BLK: variants seen among roughly 807,000 people sequenced by gnomAD.
BLK encodes tyrosine-protein kinase Blk.
In BLK, 64 loss-of-function variants were observed where a neutral mutation model predicts 61.8. That is an observed-to-expected ratio of 1.03 (90% CI 0.85 to 1.27). The LOEUF (loss-of-function observed/expected upper bound fraction) is 1.27, where lower values mean the gene tolerates loss of function less well. BLK is among the 50% of genes most tolerant of loss of function. BLK has a pLI of 0.00. For missense variants in BLK, 853 were observed against 660.5 expected (o/e 1.29, Z -3.19); for synonymous variants, 351 against 272.0 (o/e 1.29, Z -2.86).
rs562444865 is a variant in BLK, at chr8:11,564,281, C to T, written c.*173C>T. ...GTCCCCGGACGGACTCCTTCACCGA[C>T]TGCACCCCCGGGCGAGTTACGCGGC... On this transcript the variant is annotated 3_prime_UTR_variant, in exon 13 of 13. Transcript: ENST00000259089. 1.4e-4 allele frequency: 113 copies of T among 817,888 alleles called. 4 individuals are homozygous for T. The South Asian group carries it at 1.5e-3, about 11-fold the overall frequency. The allele number at this position is 817,888 out of a possible 1,614,324, so 50.7% of individuals were successfully genotyped here.
Position 11,563,135 on chromosome 8 carries a change from C to T in BLK, c.1312+25C>T, listed in dbSNP as rs73545895. ...GGTAGGTGGCTCACCCCGCAGCTCG[C>T]GGCTCCCTGCTTTCCCGGCCGGCCC... On this transcript the variant is annotated intron_variant, in intron 12 of 12. Transcript: ENST00000259089. The T allele has an allele frequency of 1.4e-5, 23 of 1,613,208 alleles. No homozygotes were observed. In the African/African-American group the frequency reaches 2.3e-4, roughly 16 times the overall value.
At chr8:11,539,309 C>A (rs7014565) in intron 1 of BLK, among the ~76,000 whole-genome samples, 2 of 152,048 alleles carry the variant, frequency 1.3e-5, no homozygotes, top group Non-Finnish European at 2.9e-5. Flanking sequence ...AACATGGTAC[C>A]GAAATTCCTC....
intron 1 of BLK, among the ~76,000 whole-genome samples, chr8:11,540,449 T>A (rs573962446): frequency 1.3e-5 from 2 of 152,344 alleles, no homozygotes; most frequent in East Asian, 3.9e-4. Context: ...TTCATAATTA[T>A]AAAGCTAGGT....
intron 1 of BLK, among the ~76,000 whole-genome samples, chr8:11,500,541 G>GTTTTTGTTT (rs1798517455): frequency 6.6e-6 from 1 of 150,984 alleles, no homozygotes; most frequent in African/African-American, 2.4e-5. Context: ...TTTGAGATAG[G>GTTTTTGTTT]GTCTCGCTCT....
chr8:11,497,480 G>A (rs1224693415), intron 1 of BLK, among the ~76,000 whole-genome samples: 2 of 152,162 alleles, frequency 1.3e-5, no homozygotes, highest in Non-Finnish European at 2.9e-5. Flanking sequence ...GCAACCACCA[G>A]CACACACCCA....
intron 1 of BLK, among the ~76,000 whole-genome samples, chr8:11,520,351 C>T (rs1312369297): frequency 2.0e-5 from 3 of 151,532 alleles, no homozygotes; most frequent in African/African-American, 7.3e-5. Context: ...GTGGTGCATG[C>T]CTGTAGTCCC....
intron 1 of BLK, 114 bp downstream of exon 1, chr8:11,494,705 C>T (rs76991879): frequency 0.013 from 1,920 of 152,298 alleles, 15 homozygotes; most frequent in Middle Eastern, 0.061. Context: ...GTGCCACAGA[C>T]GGAGGAAGAG....
intron 1 of BLK, among the ~76,000 whole-genome samples, chr8:11,496,313 C>G (rs1396930654): frequency 6.6e-6 from 1 of 152,220 alleles, no homozygotes; most frequent in Non-Finnish European, 1.5e-5. Context: ...GATCATCGCT[C>G]ACTGCAGCAC....
chr8:11,501,277 C>A (rs1259295663), intron 1 of BLK, among the ~76,000 whole-genome samples: 2 of 151,864 alleles, frequency 1.3e-5, no homozygotes. Context: ...AAGTATTACA[C>A]ACGAAAATAG....
intron 1 of BLK, among the ~76,000 whole-genome samples, chr8:11,520,836 T>A (rs1799421574): frequency 6.6e-6 from 1 of 152,158 alleles, no homozygotes; most frequent in South Asian, 2.1e-4. Context: ...ATAAGAGAAC[T>A]GAAATAGACA....
At chr8:11,529,673 T>TG (rs201999657) in intron 1 of BLK, among the ~76,000 whole-genome samples, 2,595 of 152,334 alleles carry the variant, frequency 0.017, 44 homozygotes, top group African/African-American at 0.045. Context: ...AGGGTTCTTC[T>TG]GGAATGCGCT....
Position 11,555,313 on chromosome 8 carries a change from C to A in BLK, c.620-19C>A, listed in dbSNP as rs569138316. Reference sequence around the variant, plus strand: ...CTGCTCTGGTAACCCCCAGCCCTGTCTTTTCTTCCCTAATGCAGAGAAGGG... The same window carrying A: ...CTGCTCTGGTAACCCCCAGCCCTGTATTTTCTTCCCTAATGCAGAGAAGGG... On this transcript the variant is annotated intron_variant, in intron 7 of 12. Transcript: ENST00000259089. 13 of 1,614,002 alleles carry A rather than the reference C, an allele frequency of 8.1e-6. No individual in the cohort carries two copies. In the African/African-American group the frequency reaches 1.6e-4, roughly 20 times the overall value.
At chr8:11,558,116 C>A in intron 10 of BLK, 78 bp downstream of exon 10, 1 of 1,405,132 alleles carries the variant, frequency 7.1e-7, no homozygotes, top group Non-Finnish European at 1.0e-6. Context: ...GCCTTACCAC[C>A]CCATCCTCTC....
At chr8:11,509,104 G>C (rs995333252) in intron 1 of BLK, 4 of 152,068 alleles carry the variant, frequency 2.6e-5, no homozygotes, top group African/African-American at 9.7e-5. Flanking sequence ...CCCTTAACCA[G>C]GTCACAGTGG....
At chr8:11,563,614 T>G (rs1801590868) in intron 12 of BLK, among the ~76,000 whole-genome samples, 1 of 152,188 alleles carries the variant, frequency 6.6e-6, no homozygotes, top group African/African-American at 2.4e-5. Context: ...GTGCCCCTGG[T>G]GGTCACAGGT....
intron 1 of BLK, among the ~76,000 whole-genome samples, chr8:11,542,789 T>A (rs1362509301): frequency 6.6e-6 from 1 of 152,198 alleles, no homozygotes; most frequent in Non-Finnish European, 1.5e-5. Flanking sequence ...CCCCTGCTGT[T>A]TACCAAAGAG....
intron 1 of BLK, among the ~76,000 whole-genome samples, chr8:11,526,629 G>A (rs572550556): frequency 6.6e-6 from 1 of 152,342 alleles, no homozygotes; most frequent in East Asian, 1.9e-4. Context: ...TAAGGCAGGA[G>A]GATCACGTGA....
At chr8:11,526,466 C>G (rs945727940) in intron 1 of BLK, among the ~76,000 whole-genome samples, 3 of 152,152 alleles carry the variant, frequency 2.0e-5, no homozygotes, top group African/African-American at 7.2e-5. Context: ...TACTTGTAAT[C>G]CCAGCACTTT....
intron 10 of BLK, 189 bp from the exon 11 acceptor site, chr8:11,561,113 G>A (rs1441119003): frequency 1.2e-6 from 1 of 806,958 alleles, no homozygotes; most frequent in Admixed American, 2.0e-5. Flanking sequence ...CCACGTTGCT[G>A]CGTTGCTGTT....
Sources: gnomAD v4.1 joint callset for allele counts (sites outside exome capture counted in the v4.1 genomes callset) on GRCh38, gnomAD v4.1.1 for gene constraint, MANE v1.5 for transcripts, NCBI Gene and HGNC (gene_info 2026-07-23, HGNC 2026-07-21) for gene names.